The following FGD4 variants were observed in gnomAD, a reference collection of about 807,000 sequenced individuals.
The protein encoded by FGD4 is FYVE, RhoGEF and PH domain containing 4, also known as FYVE, RhoGEF and PH domain-containing protein 4.
FGD4 carries 42 observed loss-of-function variants against 102.0 expected under a neutral mutation model. The ratio of observed to expected loss-of-function variants is 0.41; its 90% CI spans 0.32 to 0.53. The LOEUF (loss-of-function observed/expected upper bound fraction) is 0.53, where lower values mean the gene tolerates loss of function less well. FGD4 is among the 20% of genes least tolerant of loss of function. The pLI, the probability that FGD4 is intolerant of heterozygous loss-of-function variation, is 0.21. For missense variants in FGD4, 902 were observed against 1,078.2 expected (o/e 0.84, Z 2.29); for synonymous variants, 380 against 375.7 (o/e 1.01, Z -0.13).
intron 1 of FGD4, among the ~76,000 whole-genome samples, chr12:32,559,888 C>T (rs1355118852): frequency 2.0e-5 from 3 of 152,106 alleles, no homozygotes; most frequent in Non-Finnish European, 4.4e-5. Context: ...TTAACTGCCC[C>T]CTTTGTGTAG....
At chr12:32,620,528 T>TTCTTTC (rs1565915803) in intron 11 of FGD4, among the ~76,000 whole-genome samples, 15 of 109,474 alleles carry the variant, frequency 1.4e-4, no homozygotes, top group African/African-American at 3.9e-4. Flanking sequence ...TTCTTTTTTT[T>TTCTTTC]TTTTTTTTTT....
chr12:32,476,816 C>A (rs1943595199), intron 1 of FGD4, among the ~76,000 whole-genome samples: 1 of 152,152 alleles, frequency 6.6e-6, no homozygotes, highest in Non-Finnish European at 1.5e-5. Context: ...CAATCATATA[C>A]CTAGCTCAGA....
At chr12:32,601,215 A>C (rs1348135399) in intron 5 of FGD4, 63 bp from the exon 6 acceptor site, 74 of 1,494,652 alleles carry the variant, frequency 5.0e-5, no homozygotes, top group Non-Finnish European at 6.1e-5. Flanking sequence ...CTATGTGCCT[A>C]GCACAGTGCT....
chr12:32,539,980 A>C (rs899525179), intron 1 of FGD4, among the ~76,000 whole-genome samples: 2 of 152,194 alleles, frequency 1.3e-5, no homozygotes, highest in African/African-American at 4.8e-5. Flanking sequence ...ATTGCCCAGT[A>C]AATTTTTTTT....
chr12:32,448,777 A>G (rs1245204035), intron 1 of FGD4, among the ~76,000 whole-genome samples: 1 of 152,176 alleles, frequency 6.6e-6, no homozygotes, highest in Non-Finnish European at 1.5e-5. Flanking sequence ...GAGCAGCCTC[A>G]TCACTTCCTG....
intron 1 of FGD4, among the ~76,000 whole-genome samples, chr12:32,433,888 G>C (rs1297856228): frequency 1.3e-5 from 2 of 151,304 alleles, no homozygotes; most frequent in Non-Finnish European, 2.9e-5. Context: ...ACGGAGTCTT[G>C]CTCTGTCGCC....
At chr12:32,534,445 TA>T (rs2136086125) in intron 1 of FGD4, 3 of 1,526,300 alleles carry the variant, frequency 2.0e-6, no homozygotes, top group Middle Eastern at 1.7e-4. Context: ...ATCTTTTTAT[TA>T]AACCAGAGTA....
intron 1 of FGD4, among the ~76,000 whole-genome samples, chr12:32,447,651 C>T (rs1026922942): frequency 6.6e-6 from 1 of 152,214 alleles, no homozygotes; most frequent in Non-Finnish European, 1.5e-5. Flanking sequence ...AGTCCTGAGC[C>T]ATCCAAATTC....
At chr12:32,605,114 C>G (rs953942400) in intron 7 of FGD4, among the ~76,000 whole-genome samples, 2 of 151,582 alleles carry the variant, frequency 1.3e-5, no homozygotes, top group African/African-American at 4.8e-5. Context: ...AATTTTTGTA[C>G]TTTTAGTAGA....
intron 1 of FGD4, among the ~76,000 whole-genome samples, chr12:32,406,447 G>A (rs1308695088): frequency 1.3e-5 from 2 of 151,756 alleles, no homozygotes; most frequent in Non-Finnish European, 2.9e-5. Flanking sequence ...CCAGCTACTT[G>A]GAAGGCTGAG....
chr12:32,522,439 A>G (rs1402854299), intron 1 of FGD4, among the ~76,000 whole-genome samples: 2 of 152,232 alleles, frequency 1.3e-5, no homozygotes, highest in Non-Finnish European at 2.9e-5. Flanking sequence ...GGGGGAAGGA[A>G]GATGATAATT....
At chr12:32,411,701 G>A (rs1478709165) in intron 1 of FGD4, among the ~76,000 whole-genome samples, 1 of 152,208 alleles carries the variant, frequency 6.6e-6, no homozygotes, top group Non-Finnish European at 1.5e-5. Flanking sequence ...CTGGTTGAGT[G>A]CAGTGGCTTA....
intron 1 of FGD4, among the ~76,000 whole-genome samples, chr12:32,488,615 T>A (rs1372217504): frequency 6.6e-6 from 1 of 152,146 alleles, no homozygotes; most frequent in Non-Finnish European, 1.5e-5. Context: ...CATTATCTGA[T>A]TTTTATTAAA....
rs1055328167 is a variant in FGD4, at chr12:32,619,742, A to G, written c.1794A>G (p.Val598=). ...ACTGTGTGCCCAAATTCAGCTTGGT[A>G]GGCTCTAAATTCACAGTTCGAACCA... is the stretch of plus-strand genomic sequence containing the variant. ...LLYCVPKFSL[V]GSKFTVRTRV... Residue 598 remains valine (V), a synonymous_variant, in exon 11 of 17, where the codon GTA becomes GTG. Transcript: ENST00000534526. 3.1e-6 allele frequency: 5 copies of G among 1,614,016 alleles called. No individual in the cohort carries two copies. The African/African-American group carries it at 6.7e-5, about 22-fold the overall frequency.
intron 1 of FGD4, among the ~76,000 whole-genome samples, chr12:32,475,122 G>C (rs1273618651): frequency 2.0e-5 from 3 of 152,108 alleles, no homozygotes; most frequent in African/African-American, 7.2e-5. Flanking sequence ...TTCACTACCT[G>C]GGTGCCTCTC....
chr12:32,510,371 A>G (rs11052035), intron 1 of FGD4, among the ~76,000 whole-genome samples: 7,761 of 152,284 alleles, frequency 0.051, 275 homozygotes, highest in South Asian at 0.1. Flanking sequence ...ATGCTGTATT[A>G]TGCTTTTTAT....
rs977406350 is a variant in FGD4, at chr12:32,421,867, G to A, written c.166+21908G>A. 1.4e-4 allele frequency among the ~76,000 whole-genome samples: 21 copies of A among 152,220 alleles called. 1 individual carries two copies. Among genetic ancestry groups the A allele is most frequent in the East Asian group, 3.9e-4 (2 of 5,176 alleles). On this transcript the variant is annotated intron_variant, in intron 1 of 16. Transcript: ENST00000534526. Reference sequence around the variant, plus strand: ...AAAAAGATGAGACTATAGGCCGGGCGCAGTGGCTCACGTCTATAATCCCAG... The same window carrying A: ...AAAAAGATGAGACTATAGGCCGGGCACAGTGGCTCACGTCTATAATCCCAG...
At chr12:32,624,030 C>A (rs1314790627) in intron 11 of FGD4, among the ~76,000 whole-genome samples, 3 of 152,166 alleles carry the variant, frequency 2.0e-5, no homozygotes, top group Non-Finnish European at 4.4e-5. Flanking sequence ...TAATTATTAT[C>A]TCTTCTAAGA....
rs539506915 is a variant in FGD4, at chr12:32,566,808, C to T, written c.319+2519C>T. 1.7e-4 allele frequency among the ~76,000 whole-genome samples: 26 copies of T among 152,278 alleles called. 1 individual carries two copies. Among genetic ancestry groups the T allele is most frequent in the Admixed American group, 1.1e-3 (17 of 15,296 alleles). On this transcript the variant is annotated intron_variant, in intron 2 of 16. Transcript: ENST00000534526. ...TGCATGGACCAAGGAATTATCACCC[C>T]CGACACCTTTGTTCCTGCCTCACTG...
Sources: allele counts gnomAD v4.1 joint callset (sites outside exome capture counted in the v4.1 genomes callset), GRCh38; gene constraint gnomAD v4.1.1; transcripts MANE v1.5; gene names NCBI Gene and HGNC (gene_info 2026-07-23, HGNC 2026-07-21).